Variants in HSP90AA1 observed in about 807,000 individuals in gnomAD.
The protein encoded by HSP90AA1 is heat shock protein 90 alpha family class A member 1, also known as heat shock protein HSP 90-alpha.
HSP90AA1 carries 18 observed loss-of-function variants against 73.3 expected under a neutral mutation model. That is an observed-to-expected ratio of 0.25 (90% CI 0.17 to 0.36). The LOEUF (loss-of-function observed/expected upper bound fraction) is 0.36. HSP90AA1 is among the 10% of genes least tolerant of loss of function. The pLI is 1.00. For synonymous variants in HSP90AA1, 477 were observed against 296.9 expected (o/e 1.61, Z -6.24); for missense variants, 704 against 874.2 (o/e 0.81, Z 2.45).
At chr14:102,137,929 C>T (rs1248248598) in intron 1 of HSP90AA1, among the ~76,000 whole-genome samples, 1 of 151,448 alleles carries the variant, frequency 6.6e-6, no homozygotes, top group Non-Finnish European at 1.5e-5. Context: ...GCAGGAGAAT[C>T]GCTTGAACCT....
intron 1 of HSP90AA1, among the ~76,000 whole-genome samples, chr14:102,136,204 C>G (rs1359293215): frequency 1.3e-5 from 2 of 152,116 alleles, no homozygotes; most frequent in Non-Finnish European, 2.9e-5. Flanking sequence ...TGCACAAAAC[C>G]ATCATAATGA....
At chr14:102,086,476 G>A (rs530002951) in intron 1 of HSP90AA1, 98 bp from the exon 2 acceptor site, 8 of 1,389,494 alleles carry the variant, frequency 5.8e-6, no homozygotes, top group African/African-American at 1.4e-5. Context: ...AGCCGAATTG[G>A]AGATTTGCGA....
At chr14:102,100,967 T>G (rs747644231) in intron 2 of HSP90AA1, among the ~76,000 whole-genome samples, 8 of 152,246 alleles carry the variant, frequency 5.3e-5, no homozygotes, top group Middle Eastern at 3.4e-3. Context: ...TACCCACAAA[T>G]CACAAAGCTT....
chr14:102,090,588 T>C (rs1329499036), upstream of HSP90AA1, among the ~76,000 whole-genome samples: 4 of 152,158 alleles, frequency 2.6e-5, no homozygotes, highest in Admixed American at 6.5e-5. Context: ...TAGCTGGGAC[T>C]ACAGGCGCCC....
chr14:102,096,413 C>G (rs529766314), intron 2 of HSP90AA1, among the ~76,000 whole-genome samples: 5 of 152,210 alleles, frequency 3.3e-5, no homozygotes, highest in Admixed American at 2.6e-4. Flanking sequence ...TTTTCATTCA[C>G]TCTGATTACT....
At chr14:102,119,394 C>G (rs2049745822) in intron 1 of HSP90AA1, among the ~76,000 whole-genome samples, 1 of 152,120 alleles carries the variant, frequency 6.6e-6, no homozygotes, top group African/African-American at 2.4e-5. Flanking sequence ...AAAGATCTAG[C>G]ACAGTTCTTA....
chr14:102,082,476 G>A (rs769042665), intron 9 of HSP90AA1, 32 bp from the exon 10 acceptor site: 8 of 1,539,660 alleles, frequency 5.2e-6, no homozygotes, highest in African/African-American at 4.1e-5. Context: ...TAGGAACCTA[G>A]AAAGATTAAT....
chr14:102,102,108 C>T, intron 1 of HSP90AA1: 1 of 1,600,800 alleles, frequency 6.2e-7, no homozygotes, highest in Non-Finnish European at 8.6e-7. Context: ...ACACAATCTT[C>T]TGGACTTCCA....
rs778338476 is a variant in HSP90AA1 at position 102,084,920 on chromosome 14, CTTT to C, written c.739_741del (p.Lys247del). 158 of 1,578,900 alleles carry C rather than the reference CTTT, an allele frequency of 1.0e-4. No homozygotes were observed. The highest frequency in any genetic ancestry group is 1.3e-4 in the Non-Finnish European group (151 of 1,154,704). ...GGTTTGTCTTCCGACTCTTTCTCTT[CTTT>C]TTCTTTTTCTTCTTCTTTGTCTTCC... On this transcript the variant is annotated inframe_deletion, in exon 5 of 11. Transcript: ENST00000216281.
Position 102,087,011 on chromosome 14 carries a change from AACGGCACAGCCAC to A in HSP90AA1, c.-39_-27del. The A allele has an allele frequency of 1.0e-6, 1 of 984,944 alleles. No individual in the cohort carries two copies. The highest frequency in any genetic ancestry group is 1.2e-6 in the Non-Finnish European group (1 of 830,086). 61.0% of individuals were successfully genotyped at this position (984,944 alleles called of 1,614,324 possible). A position where few individuals can be genotyped will look rare whatever the true frequency, so the allele number is the denominator to read the frequency against. On this transcript the variant is annotated 5_prime_UTR_variant, in exon 1 of 11. Coordinates refer to ENST00000216281, the MANE Select transcript of HSP90AA1 (RefSeq NM_005348.4). ...CTTGGCTAAGTGACCGCACAGGACC[AACGGCACAGCCAC>A]ACCGGGACGCTGAAGCAACTGACGC...
At chr14:102,112,220 T>C (rs147302018) in intron 1 of HSP90AA1, among the ~76,000 whole-genome samples, 22 of 152,346 alleles carry the variant, frequency 1.4e-4, no homozygotes, top group African/African-American at 5.3e-4. Flanking sequence ...GTTCCCAGAC[T>C]GGGGTGCACT....
intron 1 of HSP90AA1, among the ~76,000 whole-genome samples, chr14:102,114,879 A>G (rs1468856302): frequency 1.3e-5 from 2 of 152,148 alleles, no homozygotes; most frequent in Admixed American, 1.3e-4. Context: ...TCACGCCTGT[A>G]ATCCCAGCAC....
At chr14:102,090,607 A>C (rs1003483892), upstream of HSP90AA1, among the ~76,000 whole-genome samples, 1 of 151,780 alleles carries the variant, frequency 6.6e-6, no homozygotes, top group Non-Finnish European at 1.5e-5. Flanking sequence ...CCGCCACCAC[A>C]CCTGGCTAAT....
Position 102,085,780 on chromosome 14 carries a change from T to C in HSP90AA1, c.507A>G (p.Ser169=), listed in dbSNP as rs1474805606. ...TACCTGTGTCTGTCCTCACTGTGAA[T>C]GATCCCCCTGCTGAGGACTCCCAAG... ...QYAWESSAGG[S]FTVRTDTGEP... is the part of the protein sequence containing the mutation. The change falls in exon 3 of 11, where the codon TCA becomes TCG. Residue 169 remains serine (S), a synonymous_variant. Coordinates refer to ENST00000216281, the MANE Select transcript of HSP90AA1 (RefSeq NM_005348.4). The C allele has an allele frequency of 1.2e-5, 19 of 1,613,892 alleles. No homozygotes were observed. The highest frequency in any genetic ancestry group is 1.6e-5 in the Non-Finnish European group (19 of 1,179,868).
At chr14:102,123,193 G>C (rs1428701752) in intron 1 of HSP90AA1, among the ~76,000 whole-genome samples, 1 of 151,642 alleles carries the variant, frequency 6.6e-6, no homozygotes, top group African/African-American at 2.4e-5. Context: ...TCAGGAGTTC[G>C]AGACCAGCTT....
chr14:102,135,133 TAC>T (rs1369223359), intron 1 of HSP90AA1, among the ~76,000 whole-genome samples: 16 of 149,816 alleles, frequency 1.1e-4, no homozygotes, highest in Non-Finnish European at 1.9e-4. Context: ...TTGAGCTAGA[TAC>T]AGAGTGCCGA....
Position 102,085,170 on chromosome 14 carries a change from G to A in HSP90AA1, c.663+128C>T, listed in dbSNP as rs532510402. On this transcript the variant is annotated intron_variant, in intron 4 of 10. Transcript: ENST00000216281. ...TAATAGCCCGAGGAACTTTTACAGA[G>A]TTAGGTAGTAGAGCTTAGGTTCCCC... 4.9e-6 allele frequency: 7 copies of A among 1,429,166 alleles called. No homozygotes were observed. The South Asian group carries it at 5.9e-5, about 12-fold the overall frequency. 88.5% of individuals were successfully genotyped at this position (1,429,166 alleles called of 1,614,324 possible).
At chr14:102,096,363 G>A (rs1441426504) in intron 2 of HSP90AA1, among the ~76,000 whole-genome samples, 2 of 151,992 alleles carry the variant, frequency 1.3e-5, no homozygotes, top group African/African-American at 4.8e-5. Flanking sequence ...ATCCTGCTAA[G>A]TGCACTCAGG....
chr14:102,090,255 C>T (rs574904483), upstream of HSP90AA1, among the ~76,000 whole-genome samples: 13 of 152,256 alleles, frequency 8.5e-5, no homozygotes, highest in South Asian at 1.7e-3. Flanking sequence ...CACACATTTT[C>T]TTAGGAACCC....
Sources: allele counts gnomAD v4.1 joint callset (sites outside exome capture counted in the v4.1 genomes callset), GRCh38; gene constraint gnomAD v4.1.1; transcripts MANE v1.5; gene names NCBI Gene and HGNC (gene_info 2026-07-23, HGNC 2026-07-21).